Variants in USP40 observed in about 807,000 individuals in gnomAD.
The protein encoded by USP40 is ubiquitin carboxyl-terminal hydrolase 40.
Under a neutral mutation model 166.2 loss-of-function variants are expected in USP40, and 143 were observed. That is an observed-to-expected ratio of 0.86 (90% CI 0.75 to 0.99). The LOEUF (loss-of-function observed/expected upper bound fraction) is 0.99. USP40 is among the 50% of genes least tolerant of loss of function. The pLI, the probability that USP40 is intolerant of heterozygous loss-of-function variation, is 0.00. For synonymous variants in USP40, 498 were observed against 524.0 expected (o/e 0.95, Z 0.68); for missense variants, 1,444 against 1,479.7 (o/e 0.98, Z 0.40).
intron 21 of USP40, among the ~76,000 whole-genome samples, chr2:233,507,020 T>C (rs1097929): frequency 0.2 from 30,853 of 151,914 alleles, 3,297 homozygotes; most frequent in African/African-American, 0.21. Flanking sequence ...AAGACTTTAG[T>C]AAACATTTCT....
intron 3 of USP40, 88 bp downstream of exon 3, chr2:233,562,648 T>C (rs933899397): frequency 4.2e-6 from 4 of 962,502 alleles, no homozygotes; most frequent in African/African-American, 1.7e-5. Context: ...CGCACCAGCA[T>C]GGCACATGTA....
chr2:233,538,286 C>T (rs2069087817), intron 10 of USP40, among the ~76,000 whole-genome samples: 1 of 151,898 alleles, frequency 6.6e-6, no homozygotes, highest in African/African-American at 2.4e-5. Flanking sequence ...ACAGCCATAT[C>T]AATTATATTA....
Position 233,555,119 on chromosome 2 carries a change from GGAGGC to G in USP40, c.547-598_547-594del, listed in dbSNP as rs551418736. Among the ~76,000 whole-genome samples, 41 of 152,272 alleles carry G rather than the reference GGAGGC, an allele frequency of 2.7e-4. No individual in the cohort carries two copies. In the South Asian group the frequency reaches 8.1e-3, roughly 30 times the overall value. On this transcript the variant is annotated intron_variant, in intron 5 of 31. Coordinates refer to ENST00000678225, the MANE Select transcript of USP40 (RefSeq NM_001365479.2). Reference sequence around the variant, plus strand: ...GAGGCAGGAGAATTGCTTGAACCTGGGAGGCGGAGGTCGCAGTGAGCCGAGATTGC... The same window carrying G: ...GAGGCAGGAGAATTGCTTGAACCTGGGGAGGTCGCAGTGAGCCGAGATTGC...
chr2:233,546,206 T>C (rs756431897), intron 8 of USP40: 1 of 152,206 alleles, frequency 6.6e-6, no homozygotes, highest in African/African-American at 2.4e-5. Flanking sequence ...GAGATCCTGA[T>C]GCTGCTAGAA....
At chr2:233,538,342 C>G (rs974825064) in intron 10 of USP40, among the ~76,000 whole-genome samples, 4 of 152,132 alleles carry the variant, frequency 2.6e-5, no homozygotes, top group African/African-American at 9.7e-5. Context: ...GACTGTCAAA[C>G]TCTCTGTCAT....
chr2:233,535,312 C>A (rs974259048), intron 10 of USP40, among the ~76,000 whole-genome samples: 16 of 152,174 alleles, frequency 1.1e-4, no homozygotes, highest in Non-Finnish European at 8.8e-5. Context: ...GAGTTCAAGT[C>A]CTACCAAATT....
chr2:233,497,990 G>A (rs1472233578), intron 23 of USP40, among the ~76,000 whole-genome samples: 1 of 152,138 alleles, frequency 6.6e-6, no homozygotes, highest in South Asian at 2.1e-4. Context: ...CTTTATTTTG[G>A]GTCTTCTTCT....
At chr2:233,553,132 T>C (rs2070738121) in intron 6 of USP40, among the ~76,000 whole-genome samples, 1 of 152,166 alleles carries the variant, frequency 6.6e-6, no homozygotes, top group South Asian at 2.1e-4. Flanking sequence ...GGTATTAATA[T>C]ACATACATAG....
At chr2:233,523,550 C>T (rs987669568) in intron 15 of USP40, 61 bp from the exon 16 acceptor site, 5 of 1,457,278 alleles carry the variant, frequency 3.4e-6, no homozygotes, top group Non-Finnish European at 2.8e-6. Context: ...GTCAACATAA[C>T]ATGGTAAAAG....
chr2:233,533,534 T>C lies in USP40; in HGVS notation c.1416A>G (p.Lys472=), dbSNP rs754434921. The part of the protein sequence containing the change: ...EKDIEQQFQG[K]ESAYMLFYRK... ...GATAAAACAACATGTAGGCACTTTC[T>C]TTACCCTGAAATTGCTGTTCAATAT... The change falls in exon 11 of 32, where the codon AAA becomes AAG. Residue 472 remains lysine, a synonymous_variant. Coordinates refer to ENST00000678225, the MANE Select transcript of USP40 (RefSeq NM_001365479.2). 5 of 1,613,776 alleles carry C rather than the reference T, an allele frequency of 3.1e-6. No individual in the cohort carries two copies. The highest frequency in any genetic ancestry group is 4.2e-6 in the Non-Finnish European group (5 of 1,179,828).
chr2:233,507,069 A>G (rs928560105), intron 21 of USP40, among the ~76,000 whole-genome samples: 4 of 152,206 alleles, frequency 2.6e-5, no homozygotes, highest in Non-Finnish European at 5.9e-5. Flanking sequence ...CGCACACAAA[A>G]AATGCTCAAC....
intron 12 of USP40, among the ~76,000 whole-genome samples, 151 bp from the exon 13 acceptor site, chr2:233,527,729 T>G (rs1398532906): frequency 1.3e-5 from 2 of 152,216 alleles, no homozygotes; most frequent in Non-Finnish European, 2.9e-5. Context: ...GTCACTTTAA[T>G]TTTTCAGTCA....
Position 233,511,783 on chromosome 2 carries a change from T to A in USP40, c.2452A>T (p.Thr818Ser), listed in dbSNP as rs2066858080. 6.2e-7 allele frequency: 1 copy of A among 1,610,548 alleles called. No homozygotes were observed. Among genetic ancestry groups the A allele is most frequent in the African/African-American group, 1.3e-5 (1 of 74,960 alleles). The change falls in exon 20 of 32, where the codon ACT (threonine) becomes TCT (serine). Residue 818 changes from threonine to serine, a missense_variant. Physicochemically the swap from Thr to Ser is moderately conservative, Grantham distance 58 (BLOSUM62 1). Coordinates refer to ENST00000678225, the MANE Select transcript of USP40 (RefSeq NM_001365479.2). ...KLLCPVPDSYTLKEAELKMGS... is the reference protein window; with the variant it reads ...KLLCPVPDSYSLKEAELKMGS... Reference sequence around the variant, plus strand: ...ATCTTCAATTCTGCTTCCTTCAAAGTATAGCTGTCCGGCACTTAAAAAAAT... The same window carrying A: ...ATCTTCAATTCTGCTTCCTTCAAAGAATAGCTGTCCGGCACTTAAAAAAAT...
At chr2:233,507,894 CCT>C (rs34315218) in intron 21 of USP40, among the ~76,000 whole-genome samples, 24,179 of 151,392 alleles carry the variant, frequency 0.16, 2,258 homozygotes, top group Non-Finnish European at 0.2. Context: ...TGCTAAATAC[CCT>C]GATTTAATCA....
chr2:233,533,650 GAAGC>G lies in USP40; in HGVS notation c.1296_1299del (p.Met432IlefsTer8), dbSNP rs2068717768. The G allele has an allele frequency of 6.2e-7, 1 of 1,613,668 alleles. No individual in the cohort carries two copies. Among genetic ancestry groups the G allele is most frequent in the African/African-American group, 1.3e-5 (1 of 74,888 alleles). ...TTGTTTAAACCTGGGGATTCTGGAG[GAAGC>G]ATCTTGAAAATTTGCTGGTCATTCC... On this transcript the variant is annotated frameshift_variant, in exon 11 of 32. Coordinates refer to ENST00000678225, the MANE Select transcript of USP40 (RefSeq NM_001365479.2). LOFTEE classifies it high-confidence loss of function.
intron 30 of USP40, among the ~76,000 whole-genome samples, chr2:233,481,851 T>C (rs77413563): frequency 0.055 from 8,364 of 152,296 alleles, 622 homozygotes; most frequent in African/African-American, 0.17. Flanking sequence ...ACTCGCAGGT[T>C]GTTTTCCACA....
At position 233,496,903 on chromosome 2, in the gene USP40, C is replaced by T. The variant is rs1046815298; in HGVS notation, c.2716-71G>A. 4 of 1,108,696 alleles carry T rather than the reference C, an allele frequency of 3.6e-6. No homozygotes were observed. In the South Asian group the frequency reaches 4.2e-5, roughly 12 times the overall value. 68.7% of individuals were successfully genotyped at this position (1,108,696 alleles called of 1,614,324 possible). ...GAGCAGATCATTGATCTTTTTAAAA[C>T]CCCATGCCTCTATTATCTTTTCAAA... On this transcript the variant is annotated intron_variant, in intron 23 of 31. Transcript: ENST00000678225.
chr2:233,525,798 G>A (rs1262611655), intron 13 of USP40, among the ~76,000 whole-genome samples: 6 of 152,014 alleles, frequency 3.9e-5, no homozygotes, highest in African/African-American at 1.5e-4. Flanking sequence ...CTACACAAAG[G>A]GCACAACAAC....
rs2064242903 is a variant in USP40, at chr2:233,477,504, C to A, written c.3600-1G>T. ...GCTCTGCTCATGGAGGGCTTCTTGG[C>A]TGCAGAGACACAGACACTGTCATTG... On this transcript the variant is annotated splice_acceptor_variant, in intron 31 of 31. Transcript: ENST00000678225. LOFTEE classifies it high-confidence loss of function. The A allele has an allele frequency of 2.5e-6, 4 of 1,612,392 alleles. No individual in the cohort carries two copies. Among genetic ancestry groups the A allele is most frequent in the Non-Finnish European group, 3.4e-6 (4 of 1,179,334 alleles).
Sources: gnomAD v4.1 joint callset for allele counts (sites outside exome capture counted in the v4.1 genomes callset) on GRCh38, gnomAD v4.1.1 for gene constraint, MANE v1.5 for transcripts, NCBI Gene and HGNC (gene_info 2026-07-23, HGNC 2026-07-21) for gene names.